Variants in DPP6 observed in about 807,000 individuals in gnomAD.
DPP6 encodes dipeptidyl peptidase like 6.
Under a neutral mutation model 122.6 loss-of-function variants are expected in DPP6, and 69 were observed. The observed-to-expected ratio is 0.56, with a 90% CI of 0.46 to 0.69. The LOEUF (loss-of-function observed/expected upper bound fraction) is 0.69. DPP6 is among the 30% of genes least tolerant of loss of function. The pLI, the probability that DPP6 is intolerant of heterozygous loss-of-function variation, is 0.00. For synonymous variants in DPP6, 418 were observed against 433.1 expected (o/e 0.97, Z 0.43); for missense variants, 928 against 1,116.9 (o/e 0.83, Z 2.41).
At chr7:154,419,470 A>C (rs1370895063) in intron 1 of DPP6, among the ~76,000 whole-genome samples, 4 of 152,200 alleles carry the variant, frequency 2.6e-5, no homozygotes, top group Non-Finnish European at 2.9e-5. Context: ...CGTCCTTAGG[A>C]AAGGACAAGT....
At chr7:153,999,607 A>G (rs547582689) in intron 1 of DPP6, among the ~76,000 whole-genome samples, 45 of 152,302 alleles carry the variant, frequency 3.0e-4, no homozygotes, top group Middle Eastern at 6.8e-3. Flanking sequence ...GGCAGGGGCT[A>G]TTTTTATAGT....
chr7:153,918,464 A>T (rs7806239), intron 1 of DPP6, among the ~76,000 whole-genome samples: 37,210 of 83,206 alleles, frequency 0.45, 6,050 homozygotes, highest in East Asian at 0.5. Flanking sequence ...ACACACACAC[A>T]CACTCTCTCT....
intron 1 of DPP6, among the ~76,000 whole-genome samples, chr7:154,073,140 A>G (rs1372054771): frequency 6.6e-6 from 1 of 152,162 alleles, no homozygotes; most frequent in Non-Finnish European, 1.5e-5. Context: ...CAAAAGAAAG[A>G]ATTTAAATGT....
intron 1 of DPP6, among the ~76,000 whole-genome samples, chr7:154,097,893 G>T (rs1447612928): frequency 6.6e-6 from 1 of 152,214 alleles, no homozygotes; most frequent in African/African-American, 2.4e-5. Flanking sequence ...CTGAGGGAGT[G>T]GTGGGAGGGA....
intron 17 of DPP6, among the ~76,000 whole-genome samples, chr7:154,866,285 A>C (rs1803868173): frequency 2.0e-5 from 3 of 152,190 alleles, no homozygotes; most frequent in African/African-American, 7.2e-5. Context: ...CTCATAAACC[A>C]ACTCCTCTCA....
exon 1 of DPP6, chr7:153,887,444 T>C (rs1798979218): frequency 6.7e-6 from 3 of 450,954 alleles, no homozygotes; most frequent in Non-Finnish European, 1.2e-5. Flanking sequence ...CAGGCTTTTT[T>C]TCTTTCTTTC....
chr7:154,232,941 G>A (rs1382952858), intron 1 of DPP6, among the ~76,000 whole-genome samples: 1 of 152,184 alleles, frequency 6.6e-6, no homozygotes, highest in African/African-American at 2.4e-5. Context: ...TCTGCAAGGA[G>A]GTTCTCAAGC....
rs193229674 is a variant in DPP6 at position 154,483,840 on chromosome 7, G to A, written c.457+8803G>A. On this transcript the variant is annotated intron_variant, in intron 3 of 25. Coordinates refer to ENST00000377770, the MANE Select transcript of DPP6 (RefSeq NM_130797.4). This position sits in a 1 kb window ranked among gnomAD's most constrained non-coding sequence, Gnocchi z 8.1. Reference sequence around the variant, plus strand: ...CTCCCTAGTAGCTGGGATTACAGGTGCACACCATCACGCCTAGCTAATTTT... The same window carrying A: ...CTCCCTAGTAGCTGGGATTACAGGTACACACCATCACGCCTAGCTAATTTT... Among the ~76,000 whole-genome samples the A allele has an allele frequency of 6.6e-6, 1 of 152,262 alleles. No homozygotes were observed. The highest frequency in any genetic ancestry group is 2.1e-4 in the South Asian group (1 of 4,808).
intron 3 of DPP6, 62 bp downstream of exon 3, chr7:154,475,099 A>G (rs750769896): frequency 7.8e-7 from 1 of 1,289,614 alleles, no homozygotes; most frequent in African/African-American, 1.5e-5. Context: ...CACTTTCAAT[A>G]GGTTGGGTCT....
At chr7:154,248,331 C>T (rs12666269) in intron 1 of DPP6, among the ~76,000 whole-genome samples, 5,925 of 152,116 alleles carry the variant, frequency 0.039, 189 homozygotes, top group East Asian at 0.13. Context: ...GAGTCTTAGA[C>T]GTGAATTTCA....
chr7:153,921,766 C>T (rs779312769), intron 1 of DPP6, among the ~76,000 whole-genome samples: 1 of 152,254 alleles, frequency 6.6e-6, no homozygotes, highest in Non-Finnish European at 1.5e-5. Context: ...GGACACATCA[C>T]TTAGGTCTCC....
chr7:153,784,575 A>G, the DPP6 span, among the ~76,000 whole-genome samples: 1 of 152,206 alleles, frequency 6.6e-6, no homozygotes, highest in African/African-American at 2.4e-5. Flanking sequence ...AGGTGAAGAT[A>G]TGCCTTATGA....
chr7:154,318,978 C>T (rs1015592453), intron 1 of DPP6, among the ~76,000 whole-genome samples: 3 of 152,216 alleles, frequency 2.0e-5, no homozygotes, highest in African/African-American at 2.4e-5. Flanking sequence ...CCCTCCTCTG[C>T]GGTTCTGGTT....
intron 8 of DPP6, among the ~76,000 whole-genome samples, chr7:154,752,555 C>T (rs1843445854): frequency 6.6e-6 from 1 of 152,176 alleles, no homozygotes; most frequent in South Asian, 2.1e-4. Context: ...AACCAGGAAG[C>T]TTGGAGAGGC....
At chr7:154,015,480 A>G (rs1441832564) in intron 1 of DPP6, among the ~76,000 whole-genome samples, 1 of 151,722 alleles carries the variant, frequency 6.6e-6, no homozygotes, top group Non-Finnish European at 1.5e-5. Flanking sequence ...CCATCTGACC[A>G]CTCCACTCTG....
intron 16 of DPP6, chr7:154,838,888 G>A (rs1437812594): frequency 6.6e-6 from 1 of 152,174 alleles, no homozygotes; most frequent in Non-Finnish European, 1.5e-5. Flanking sequence ...CTAAGAACAA[G>A]TGTTAAGAAC....
In DPP6 at chr7:154,276,384, G is replaced by A. The variant is rs1044209490; in HGVS notation, c.244-169830G>A. 3.9e-5 allele frequency among the ~76,000 whole-genome samples: 6 copies of A among 152,318 alleles called. No homozygotes were observed. The South Asian group carries it at 6.2e-4, about 16-fold the overall frequency. ...TAGAGTCACAGTGGGTGTGACATAC[G>A]TGAAGTTGAGGAAAGAACATTTCCC... On this transcript the variant is annotated intron_variant, in intron 1 of 25. Transcript: ENST00000377770.
At chr7:154,090,844 T>G (rs984549149) in intron 1 of DPP6, among the ~76,000 whole-genome samples, 12 of 149,568 alleles carry the variant, frequency 8.0e-5, no homozygotes, top group Non-Finnish European at 1.5e-4. Flanking sequence ...TTCTGGGCCG[T>G]TTGCGGTGGC....
chr7:154,841,324 GCTTTGCCCCCCTGTAGC>G (rs1291687517), intron 16 of DPP6, among the ~76,000 whole-genome samples: 36 of 136,080 alleles, frequency 2.6e-4, no homozygotes, highest in Admixed American at 7.5e-4. Flanking sequence ...CCCTCTGCAG[GCTTTGCCCCCCTGTAGC>G]CTTTGCCCCC....
Sources: allele counts gnomAD v4.1 joint callset (sites outside exome capture counted in the v4.1 genomes callset), GRCh38; gene constraint gnomAD v4.1.1; non-coding constraint Gnocchi (gnomAD v3.1); transcripts MANE v1.5; gene names NCBI Gene and HGNC (gene_info 2026-07-23, HGNC 2026-07-21).